Variants in CHRFAM7A observed in about 807,000 individuals in gnomAD.
The protein encoded by CHRFAM7A is CHRNA7-FAM7A fusion protein.
Under a neutral mutation model 29.2 loss-of-function variants are expected in CHRFAM7A, and 3 were observed. The observed-to-expected ratio is 0.10, with a 90% CI of 0.05 to 0.27. The LOEUF is 0.27. Among genes scored for constraint, CHRFAM7A ranks in the 10% least tolerant of loss-of-function variants. The pLI, the probability that CHRFAM7A is intolerant of heterozygous loss-of-function variation, is 1.00. For missense variants in CHRFAM7A, 22 were observed against 328.0 expected (o/e 0.07, Z 7.21); for synonymous variants, 7 against 135.4 (o/e 0.05, Z 6.58).
rs1309510605 is a variant in CHRFAM7A, at chr15:30,365,201, TGA to T, written c.720+2215_720+2216del. Among the ~76,000 whole-genome samples the T allele has an allele frequency of 8.3e-5, 4 of 48,198 alleles. 1 individual carries two copies. The highest frequency in any genetic ancestry group is 2.6e-4 in the African/African-American group (4 of 15,496). The allele number at this position is 48,198 out of a possible 152,430, so 31.6% of individuals were successfully genotyped here. On this transcript the variant is annotated intron_variant, in intron 9 of 9. Coordinates refer to ENST00000299847, the MANE Select transcript of CHRFAM7A (RefSeq NM_139320.2). ...AATTGGTTTTAATAAGCTTTTATGC[TGA>T]GAGGTGAATAATTAGCATATGTTCT...
intron 9 of CHRFAM7A, among the ~76,000 whole-genome samples, chr15:30,366,918 G>A (rs2058789864): frequency 6.7e-6 from 1 of 148,634 alleles, no homozygotes; most frequent in South Asian, 2.1e-4. Context: ...GTGCCACGGG[G>A]CATCCGGGAA....
intron 8 of CHRFAM7A, 79 bp from the exon 9 acceptor site, chr15:30,367,606 G>A (rs2058806324): frequency 6.6e-7 from 1 of 1,518,140 alleles, no homozygotes. Flanking sequence ...ACCCTGATCA[G>A]GTTCTCTGAC....
rs2058774666 is a variant in CHRFAM7A at position 30,365,804 on chromosome 15, T to C, written c.720+1614A>G. The stretch of plus-strand genomic sequence containing the variant: ...GTGTAATGAGCTACAAGTGAGTCTT[T>C]TTTTTTTTTTTTTTTTTTTTTTTTT... On this transcript the variant is annotated intron_variant, in intron 9 of 9. Transcript: ENST00000299847. 3.5e-4 allele frequency among the ~76,000 whole-genome samples: 2 copies of C among 5,668 alleles called. 1 individual carries two copies. Among genetic ancestry groups the C allele is most frequent in the South Asian group, 0.013 (2 of 150 alleles). The allele number at this position is 5,668 out of a possible 152,430, so 3.7% of individuals were successfully genotyped here.
chr15:30,376,076 T>C (rs1335689894), intron 5 of CHRFAM7A, among the ~76,000 whole-genome samples: 1 of 144,770 alleles, frequency 6.9e-6, no homozygotes, highest in Non-Finnish European at 1.5e-5. Flanking sequence ...TGTGTATGAG[T>C]GGTGTGAGTA....
At chr15:30,375,630 GGT>G (rs1567403165) in intron 5 of CHRFAM7A, among the ~76,000 whole-genome samples, 3 of 149,278 alleles carry the variant, frequency 2.0e-5, no homozygotes, top group Admixed American at 6.7e-5. Flanking sequence ...TGGTGTGTAT[GGT>G]GTGTGAGAGT....
chr15:30,373,724 T>G (rs868543020), intron 5 of CHRFAM7A, among the ~76,000 whole-genome samples: 252 of 104,496 alleles, frequency 2.4e-3, no homozygotes, highest in African/African-American at 9.6e-3. Flanking sequence ...CCAGTGACTC[T>G]AAGACATTGA....
At chr15:30,374,097 G>A (rs1273567320) in intron 5 of CHRFAM7A, among the ~76,000 whole-genome samples, 1 of 109,646 alleles carries the variant, frequency 9.1e-6, no homozygotes, top group East Asian at 2.8e-4. Flanking sequence ...AGGACAGGTT[G>A]GAAGTGGATT....
chr15:30,374,406 A>G (rs1039120487), intron 5 of CHRFAM7A, among the ~76,000 whole-genome samples: 6 of 85,214 alleles, frequency 7.0e-5, no homozygotes, highest in African/African-American at 2.8e-4. Flanking sequence ...GCGTCCTTAC[A>G]TGAAATGTTT....
Position 30,373,525 on chromosome 15 carries a change from T to G in CHRFAM7A, c.161-380A>C, listed in dbSNP as rs1362248375. 5.3e-4 allele frequency among the ~76,000 whole-genome samples: 67 copies of G among 127,072 alleles called. 1 individual carries two copies. The highest frequency in any genetic ancestry group is 1.8e-3 in the African/African-American group (64 of 35,086). 83.4% of individuals were successfully genotyped at this position (127,072 alleles called of 152,430 possible). A position where few individuals can be genotyped will look rare whatever the true frequency, so the allele number is the denominator to read the frequency against. On this transcript the variant is annotated intron_variant, in intron 5 of 9. Transcript: ENST00000299847. ...GAAGTTAGAAATAGAATCTAAAAGG[T>G]GTGTGTGTGTGTGTGTGTGTCTGTT...
upstream of CHRFAM7A, chr15:30,393,707 T>C (rs1176511772): frequency 5.0e-4 from 3 of 6,004 alleles, no homozygotes; most frequent in Admixed American, 6.4e-3. Context: ...CTCTTACCCC[T>C]CACCCCTCAC....
At chr15:30,377,525 G>C (rs1409644180) in intron 4 of CHRFAM7A, among the ~76,000 whole-genome samples, 1 of 139,444 alleles carries the variant, frequency 7.2e-6, no homozygotes, top group African/African-American at 2.7e-5. Context: ...CAAAGCTCTA[G>C]TTCCAGCCTC....
intron 4 of CHRFAM7A, among the ~76,000 whole-genome samples, chr15:30,377,924 T>G (rs2140895609): frequency 8.0e-6 from 1 of 125,038 alleles, no homozygotes; most frequent in Admixed American, 8.6e-5. Flanking sequence ...CCTCATAAAG[T>G]TGATTGGCAA....
At chr15:30,389,454 G>A (rs1472211605) in intron 1 of CHRFAM7A, among the ~76,000 whole-genome samples, 2 of 21,040 alleles carry the variant, frequency 9.5e-5, no homozygotes, top group East Asian at 7.9e-3. Context: ...TTTTTGAGAC[G>A]GAGTCTAACT....
chr15:30,362,245 AG>A lies in CHRFAM7A; in HGVS notation c.*47del, dbSNP rs1488807540. The A allele has an allele frequency of 2.1e-5, 2 of 94,094 alleles. No homozygotes were observed. The highest frequency in any genetic ancestry group is 3.0e-4 in the African/African-American group (1 of 3,356). The allele number at this position is 94,094 out of a possible 1,614,324, so 5.8% of individuals were successfully genotyped here. On this transcript the variant is annotated 3_prime_UTR_variant, in exon 10 of 10. Coordinates refer to ENST00000299847, the MANE Select transcript of CHRFAM7A (RefSeq NM_139320.2). ...GCACCCCCAAATCTCGCCAAGCCAA[AG>A]GCCTTGCCCATCTGTGAGTTTTCCA... is the stretch of plus-strand genomic sequence containing the variant.
intron 5 of CHRFAM7A, among the ~76,000 whole-genome samples, chr15:30,375,770 GGT>G (rs1408724307): frequency 7.3e-5 from 11 of 150,422 alleles, no homozygotes; most frequent in African/African-American, 2.7e-4. Flanking sequence ...TTGTGTGAGT[GGT>G]GTGTGAGTGT....
At chr15:30,367,296 A>G in intron 9 of CHRFAM7A, 122 bp downstream of exon 9, 1 of 1,260,600 alleles carries the variant, frequency 7.9e-7, no homozygotes, top group Non-Finnish European at 1.1e-6. Context: ...AAAAAAACAA[A>G]CAAAAAACCC....
chr15:30,371,224 G>A (rs1409955451), intron 7 of CHRFAM7A, 40 bp from the exon 8 acceptor site: 1 of 990,062 alleles, frequency 1.0e-6, no homozygotes, highest in Non-Finnish European at 1.6e-6. Flanking sequence ...GACAAAAACA[G>A]ACAAGAAGGC....
intron 5 of CHRFAM7A, among the ~76,000 whole-genome samples, chr15:30,373,646 AT>A (rs1214897261): frequency 9.4e-6 from 1 of 106,196 alleles, no homozygotes; most frequent in Non-Finnish European, 2.0e-5. Flanking sequence ...TAAAGCTAGA[AT>A]TTTAACTAAT....
chr15:30,369,472 C>CT (rs1297842913), intron 8 of CHRFAM7A, among the ~76,000 whole-genome samples: 1 of 109,732 alleles, frequency 9.1e-6, no homozygotes, highest in Non-Finnish European at 1.8e-5. Context: ...GGGCTGAACT[C>CT]TAAGCGGAAA....
Sources: allele counts gnomAD v4.1 joint callset (sites outside exome capture counted in the v4.1 genomes callset), GRCh38; gene constraint gnomAD v4.1.1; transcripts MANE v1.5; gene names NCBI Gene and HGNC (gene_info 2026-07-23, HGNC 2026-07-21).